Variants in BOC observed in about 807,000 individuals in gnomAD.
The protein encoded by BOC is brother of CDO.
BOC carries 76 observed loss-of-function variants against 112.0 expected under a neutral mutation model. The observed-to-expected ratio is 0.68, with a 90% CI of 0.56 to 0.82. BOC has a LOEUF of 0.82. Among genes scored for constraint, BOC ranks in the 40% least tolerant of loss-of-function variants. The pLI is 0.00. For synonymous variants in BOC, 580 were observed against 599.8 expected (o/e 0.97, Z 0.48); for missense variants, 1,309 against 1,511.7 (o/e 0.87, Z 2.22).
intron 8 of BOC, among the ~76,000 whole-genome samples, chr3:113,273,884 C>A (rs1005150243): frequency 1.3e-5 from 2 of 152,186 alleles, no homozygotes; most frequent in Non-Finnish European, 2.9e-5. Flanking sequence ...TCTGTGGAAA[C>A]CTCCTGAAGG....
intron 4 of BOC, among the ~76,000 whole-genome samples, chr3:113,260,753 G>GAACAGAACAGAACAGAACAGAACA (rs1559854500): frequency 1.1e-4 from 16 of 151,452 alleles, no homozygotes; most frequent in South Asian, 4.2e-4. Context: ...GAACAGAACA[G>GAACAGAACAGAACAGAACAGAACA]GTTTTCACCA....
Position 113,287,321 on chromosome 3 carries a change from A to G in BOC, c.*459A>G, listed in dbSNP as rs1466656485. 2 of 305,640 alleles carry G rather than the reference A, an allele frequency of 6.5e-6. No homozygotes were observed. The highest frequency in any genetic ancestry group is 6.5e-6 in the Non-Finnish European group (1 of 154,650). The allele number at this position is 305,640 out of a possible 1,614,324, so 18.9% of individuals were successfully genotyped here. A position where few individuals can be genotyped will look rare whatever the true frequency, so the allele number is the denominator to read the frequency against. On this transcript the variant is annotated 3_prime_UTR_variant, in exon 20 of 20. Transcript: ENST00000682979. ...CGGGAAACATTTTCCTAAGATGCCC[A>G]TGAGAACAGACCAAGATGTGTACAG...
chr3:113,234,814 T>C (rs1177668329), intron 2 of BOC, among the ~76,000 whole-genome samples: 1 of 152,230 alleles, frequency 6.6e-6, no homozygotes, highest in African/African-American at 2.4e-5. Flanking sequence ...CATATCCTGT[T>C]GCCTTTTTGG....
chr3:113,248,277 C>CA (rs1485421025), intron 2 of BOC, among the ~76,000 whole-genome samples: 1 of 152,200 alleles, frequency 6.6e-6, no homozygotes, highest in African/African-American at 2.4e-5. Flanking sequence ...CTGTGTCAGG[C>CA]AAGTCGGGTG....
chr3:113,272,116 C>G, intron 6 of BOC: 1 of 485,508 alleles, frequency 2.1e-6, no homozygotes, highest in Non-Finnish European at 3.7e-6. Flanking sequence ...ACTCCCTCAC[C>G]TTTCTCTCTT....
chr3:113,252,600 C>T (rs1276903761), intron 4 of BOC, among the ~76,000 whole-genome samples: 3 of 152,212 alleles, frequency 2.0e-5, no homozygotes, highest in Non-Finnish European at 2.9e-5. Context: ...AGGAGCTTCA[C>T]TCTGTGGGTC....
At chr3:113,233,126 G>A (rs1393063297) in intron 2 of BOC, among the ~76,000 whole-genome samples, 3 of 149,710 alleles carry the variant, frequency 2.0e-5, no homozygotes, top group Non-Finnish European at 4.4e-5. Flanking sequence ...CTGCAAGCAT[G>A]CATGAGCATG....
intron 2 of BOC, among the ~76,000 whole-genome samples, chr3:113,222,251 A>G (rs1344843308): frequency 6.6e-6 from 1 of 152,196 alleles, no homozygotes; most frequent in Non-Finnish European, 1.5e-5. Flanking sequence ...CCAGTGCCTA[A>G]AATAGAACCG....
chr3:113,253,579 T>C (rs1227625268), intron 4 of BOC, among the ~76,000 whole-genome samples: 1 of 145,456 alleles, frequency 6.9e-6, no homozygotes, highest in Non-Finnish European at 1.5e-5. Context: ...ATAAATAAAA[T>C]GCATACAGTA....
Position 113,278,730 on chromosome 3 carries a change from A to T in BOC, c.1763A>T (p.Asp588Val). 6.4e-7 allele frequency: 1 copy of T among 1,566,014 alleles called. No homozygotes were observed. Among genetic ancestry groups the T allele is most frequent in the Non-Finnish European group, 8.7e-7 (1 of 1,155,488 alleles). The change falls in exon 11 of 20, where the codon GAC (aspartate) becomes GTC (valine). Residue 588 changes from aspartate to valine, a missense_variant. By Grantham distance (152) the Asp-to-Val change is radical (BLOSUM62 -3). Coordinates refer to ENST00000682979, the MANE Select transcript of BOC (RefSeq NM_001378074.1). This position sits in a 1 kb window ranked among gnomAD's most constrained non-coding sequence, Gnocchi z 4.2. ...AAAGAGCAGCAGATCCAGAGAGACG[A>T]CCCTGGAGCCAGTCCCCAGAGCAGC... ...ASKEQQIQRD[D>V]PGASPQSSSQ... is the part of the protein sequence containing the mutation.
chr3:113,253,808 A>C (rs945121580), intron 4 of BOC, among the ~76,000 whole-genome samples: 4 of 152,098 alleles, frequency 2.6e-5, no homozygotes, highest in Admixed American at 6.5e-5. Context: ...CCAGTTGTTG[A>C]TTATTGCAAA....
chr3:113,228,308 A>G (rs1875113), intron 2 of BOC, among the ~76,000 whole-genome samples: 85,546 of 151,168 alleles, frequency 0.57, 25,646 homozygotes, highest in East Asian at 0.78. Flanking sequence ...TTCGAATCCT[A>G]GGGGACACTG....
Position 113,273,336 on chromosome 3 carries a change from G to A in BOC, c.1229G>A (p.Arg410Lys), listed in dbSNP as rs751737249. 7 of 1,588,714 alleles carry A rather than the reference G, an allele frequency of 4.4e-6. No individual in the cohort carries two copies. The highest frequency in any genetic ancestry group is 2.3e-5 in the East Asian group (1 of 44,134). The change falls in exon 8 of 20, where the codon AGG becomes AAG. Residue 410 changes from arginine to lysine, a missense_variant. By Grantham distance (26) the Arg-to-Lys change is conservative (BLOSUM62 2). Coordinates refer to ENST00000682979, the MANE Select transcript of BOC (RefSeq NM_001378074.1). Reference sequence around the variant, plus strand: ...GCCGTAGTCCAGCTGCGGACCTCCAGGCCAAGTGAGTGTAGCCCAGGGGTC... The same window carrying A: ...GCCGTAGTCCAGCTGCGGACCTCCAAGCCAAGTGAGTGTAGCCCAGGGGTC... ...AHAVVQLRTS[R>K]PSITPRLWQD...
At chr3:113,258,434 AT>A (rs940532809) in intron 4 of BOC, among the ~76,000 whole-genome samples, 1 of 152,070 alleles carries the variant, frequency 6.6e-6, no homozygotes, top group Non-Finnish European at 1.5e-5. Context: ...GGGTATGAAC[AT>A]TTTCTGATTA....
Position 113,279,881 on chromosome 3 carries a change from G to A in BOC, c.2081G>A (p.Ser694Asn). ...ALNMLGESEPSAPSRPYVVSG... is the reference protein window; with the variant it reads ...ALNMLGESEPNAPSRPYVVSG... ...AACATGCTGGGGGAGAGCGAGCCCA[G>A]CGCCCCCTCTCGGCCCTACGTGGTG... The change falls in exon 13 of 20, where the codon AGC becomes AAC. Residue 694 changes from serine (S) to asparagine (N), a missense_variant. Coordinates refer to ENST00000682979, the MANE Select transcript of BOC (RefSeq NM_001378074.1). 1 of 1,613,730 alleles carries A rather than the reference G, an allele frequency of 6.2e-7. No homozygotes were observed.
At chr3:113,237,012 T>C (rs1943656804) in intron 2 of BOC, among the ~76,000 whole-genome samples, 1 of 152,204 alleles carries the variant, frequency 6.6e-6, no homozygotes, top group African/African-American at 2.4e-5. Flanking sequence ...CTGTGAAGGG[T>C]AGAAGAGTTT....
chr3:113,242,025 A>G (rs1944370630), intron 2 of BOC, among the ~76,000 whole-genome samples: 1 of 152,076 alleles, frequency 6.6e-6, no homozygotes, highest in African/African-American at 2.4e-5. Context: ...GGCTTCATAA[A>G]TATTCAAGAG....
rs1296606019 is a variant in BOC, at chr3:113,270,924, G to C, written c.647G>C (p.Ser216Thr). 6.2e-7 allele frequency: 1 copy of C among 1,614,224 alleles called. No individual in the cohort carries two copies. The change falls in exon 6 of 20, where the codon AGC (serine) becomes ACC (threonine). Residue 216 changes from serine (S) to threonine (T), a missense_variant. Ser to Thr is a moderately conservative substitution (Grantham distance 58). Coordinates refer to ENST00000682979, the MANE Select transcript of BOC (RefSeq NM_001378074.1). ...CAGGAAGTGAAAACCTCCGGCTCCA[G>C]CGACAGGCTACGTGTGCGCCGTAAG... ...VTQEVKTSGS[S>T]DRLRVRRSTA...
intron 4 of BOC, among the ~76,000 whole-genome samples, chr3:113,259,654 G>A (rs1338102812): frequency 6.6e-6 from 1 of 152,108 alleles, no homozygotes; most frequent in Admixed American, 6.6e-5. Context: ...ATAATCTTGA[G>A]CTCTATAGAA....
Sources: allele counts gnomAD v4.1 joint callset (sites outside exome capture counted in the v4.1 genomes callset), GRCh38; gene constraint gnomAD v4.1.1; non-coding constraint Gnocchi (gnomAD v3.1); transcripts MANE v1.5; gene names NCBI Gene and HGNC (gene_info 2026-07-23, HGNC 2026-07-21).